Variants in DCC observed in about 807,000 individuals in gnomAD.
DCC encodes the protein netrin receptor DCC.
In DCC, 58 loss-of-function variants were observed where a neutral mutation model predicts 172.5. The ratio of observed to expected loss-of-function variants is 0.34; its 90% CI spans 0.27 to 0.42. The LOEUF (loss-of-function observed/expected upper bound fraction) is 0.42, where lower values mean the gene tolerates loss of function less well. Ranked by LOEUF, DCC falls within the 10% of genes least tolerant of loss-of-function variation. The pLI, the probability that DCC is intolerant of heterozygous loss-of-function variation, is 1.00. For missense variants in DCC, 1,740 were observed against 1,791.0 expected, an observed-to-expected ratio of 0.97 and a Z score of 0.51; for synonymous variants, 709 against 644.5, an observed-to-expected ratio of 1.10 and a Z score of -1.52.
intron 10 of DCC, among the ~76,000 whole-genome samples, chr18:53,206,991 G>A (rs1211879013): frequency 6.6e-6 from 1 of 151,714 alleles, no homozygotes; most frequent in East Asian, 1.9e-4. Flanking sequence ...TTTTTTTCTT[G>A]CTATCTTCAA....
chr18:52,815,407 CACGT>C (rs1353076404), intron 2 of DCC, among the ~76,000 whole-genome samples: 3 of 47,800 alleles, frequency 6.3e-5, no homozygotes, highest in Non-Finnish European at 1.4e-4. Flanking sequence ...TGCCTTCTCA[CACGT>C]ACACACACAC....
chr18:52,983,321 G>A (rs1178464726), intron 5 of DCC, among the ~76,000 whole-genome samples: 1 of 152,130 alleles, frequency 6.6e-6, no homozygotes, highest in Non-Finnish European at 1.5e-5. Flanking sequence ...CACAGAAGTG[G>A]ACAAATTGAA....
intron 1 of DCC, among the ~76,000 whole-genome samples, chr18:52,479,680 C>A (rs1210364011): frequency 2.0e-5 from 3 of 148,680 alleles, no homozygotes; most frequent in Non-Finnish European, 4.5e-5. Flanking sequence ...CTAATCCATT[C>A]AAGTGTAATT....
intron 15 of DCC, among the ~76,000 whole-genome samples, chr18:53,354,283 TG>T (rs1480693956): frequency 2.4e-4 from 36 of 152,220 alleles, no homozygotes; most frequent in African/African-American, 8.2e-4. Flanking sequence ...TACCCAGTAA[TG>T]GGATGGCTGA....
At chr18:53,008,607 T>A (rs1014091847) in intron 5 of DCC, among the ~76,000 whole-genome samples, 1 of 152,026 alleles carries the variant, frequency 6.6e-6, no homozygotes, top group Non-Finnish European at 1.5e-5. Context: ...GCTGTGTAAC[T>A]TTTTTTGAAA....
chr18:53,275,552 C>T (rs867276277), intron 12 of DCC, among the ~76,000 whole-genome samples: 1 of 151,544 alleles, frequency 6.6e-6, no homozygotes, highest in Non-Finnish European at 1.5e-5. Context: ...TACAGTATAA[C>T]ACAGAAAAAT....
chr18:52,443,588 C>T (rs347547), intron 1 of DCC, among the ~76,000 whole-genome samples: 4,694 of 152,158 alleles, frequency 0.031, 235 homozygotes, highest in African/African-American at 0.11. Flanking sequence ...AAGAACAACA[C>T]ACATACAAGA....
chr18:53,360,093 T>A (rs1311579778), intron 15 of DCC, among the ~76,000 whole-genome samples: 2 of 152,084 alleles, frequency 1.3e-5, no homozygotes, highest in African/African-American at 4.8e-5. Context: ...TTAAAGAAAT[T>A]AACCTTTAAA....
chr18:52,796,509 G>C (rs932661876), intron 2 of DCC, among the ~76,000 whole-genome samples: 2 of 152,072 alleles, frequency 1.3e-5, no homozygotes, highest in East Asian at 3.9e-4. Context: ...CAGTCTATTG[G>C]TGACAAATTG....
chr18:53,363,973 A>G (rs1349451506), intron 15 of DCC, among the ~76,000 whole-genome samples: 1 of 152,234 alleles, frequency 6.6e-6, no homozygotes, highest in Non-Finnish European at 1.5e-5. Flanking sequence ...TATAATAACA[A>G]CAAAATAGAT....
intron 5 of DCC, among the ~76,000 whole-genome samples, chr18:53,029,800 A>G (rs185390604): frequency 6.6e-6 from 1 of 151,992 alleles, no homozygotes; most frequent in Non-Finnish European, 1.5e-5. Context: ...GTGTGGAGAG[A>G]GCCTATTTGT....
At chr18:53,431,536 G>A (rs1911617024) in intron 21 of DCC, among the ~76,000 whole-genome samples, 1 of 151,514 alleles carries the variant, frequency 6.6e-6, no homozygotes, top group African/African-American at 2.4e-5. Flanking sequence ...CGCCTAGGCT[G>A]GAGTGCAGTG....
intron 22 of DCC, among the ~76,000 whole-genome samples, chr18:53,435,416 G>T (rs1324054518): frequency 6.6e-6 from 1 of 152,086 alleles, no homozygotes. Context: ...GCCAGGAGAT[G>T]ATGCCAATAA....
intron 8 of DCC, among the ~76,000 whole-genome samples, chr18:53,172,487 T>A (rs2055028166): frequency 6.6e-6 from 1 of 152,116 alleles, no homozygotes; most frequent in African/African-American, 2.4e-5. Context: ...ATTTAAAAAA[T>A]AAAATACAGA....
At chr18:53,403,841 T>A (rs1455984560) in intron 19 of DCC, among the ~76,000 whole-genome samples, 1 of 152,240 alleles carries the variant, frequency 6.6e-6, no homozygotes, top group Admixed American at 6.5e-5. Context: ...ATTTACTTTC[T>A]GAATTTTGCA....
intron 1 of DCC, among the ~76,000 whole-genome samples, chr18:52,439,135 T>G (rs1042552405): frequency 6.6e-6 from 1 of 150,836 alleles, no homozygotes; most frequent in Non-Finnish European, 1.5e-5. Context: ...GAAAAAAGCA[T>G]GGTAAACATA....
At chr18:53,119,371 C>T (rs1250592153) in intron 7 of DCC, among the ~76,000 whole-genome samples, 1 of 151,766 alleles carries the variant, frequency 6.6e-6, no homozygotes, top group Admixed American at 6.6e-5. Context: ...TAGCCTCCCT[C>T]AGAATGTGTT....
At chr18:53,320,722 T>G (rs565164552) in intron 13 of DCC, among the ~76,000 whole-genome samples, 4 of 152,320 alleles carry the variant, frequency 2.6e-5, no homozygotes, top group African/African-American at 9.6e-5. Flanking sequence ...AGTTTTAGTT[T>G]TAGTGGATTT....
chr18:52,622,047 G>A (rs962411890), intron 1 of DCC, among the ~76,000 whole-genome samples: 3 of 152,088 alleles, frequency 2.0e-5, no homozygotes, highest in Non-Finnish European at 4.4e-5. Flanking sequence ...AAAAGAGAGC[G>A]ATTAAAAGAG....
Sources: allele counts gnomAD v4.1 joint callset (sites outside exome capture counted in the v4.1 genomes callset), GRCh38; gene constraint gnomAD v4.1.1; transcripts MANE v1.5; gene names NCBI Gene and HGNC (gene_info 2026-07-23, HGNC 2026-07-21).